Variants in FAIM observed in about 807,000 individuals in gnomAD.
The protein encoded by FAIM is Fas apoptotic inhibitory molecule.
FAIM carries 14 observed loss-of-function variants against 21.2 expected under a neutral mutation model. The observed-to-expected ratio is 0.66, with a 90% CI of 0.44 to 1.03. The LOEUF is 1.03. Among genes scored for constraint, FAIM ranks in the 50% least tolerant of loss-of-function variants. The probability of loss-of-function intolerance (pLI) is 0.00; values close to 1 mark genes in which losing one functional copy is unlikely to be tolerated. For missense variants in FAIM, 222 were observed against 247.1 expected, an observed-to-expected ratio of 0.90 and a Z score of 0.68; for synonymous variants, 86 against 80.4, an observed-to-expected ratio of 1.07 and a Z score of -0.37.
At chr3:138,630,621 T>C (rs929731120) in intron 5 of FAIM, 1 of 152,078 alleles carries the variant, frequency 6.6e-6, no homozygotes, top group Non-Finnish European at 1.5e-5. Context: ...GCTTGGAGAG[T>C]GCTTCAGTAT....
intron 2 of FAIM, among the ~76,000 whole-genome samples, chr3:138,620,878 A>C (rs1408707247): frequency 6.6e-6 from 1 of 152,226 alleles, no homozygotes; most frequent in African/African-American, 2.4e-5. Context: ...TATCTTTATT[A>C]TAGGGCATTT....
In FAIM at chr3:138,633,196, T is replaced by C. The variant is rs2043025592; in HGVS notation, c.*117T>C. The C allele has an allele frequency of 7.5e-6, 7 of 927,700 alleles. No homozygotes were observed. Among genetic ancestry groups the C allele is most frequent in the Non-Finnish European group, 1.0e-5 (7 of 676,724 alleles). The allele number at this position is 927,700 out of a possible 1,614,324, so 57.5% of individuals were successfully genotyped here. Reference sequence around the variant, plus strand: ...TGCAATGTTTTAATTTTTTAAAAAGTTACATGAAACTAACATTCCAAGGGT... The same window carrying C: ...TGCAATGTTTTAATTTTTTAAAAAGCTACATGAAACTAACATTCCAAGGGT... On this transcript the variant is annotated 3_prime_UTR_variant, in exon 6 of 6. Coordinates refer to ENST00000360570, the MANE Select transcript of FAIM (RefSeq NM_001033031.2).
chr3:138,625,493 A>C (rs1477466444), intron 4 of FAIM, among the ~76,000 whole-genome samples: 1 of 152,076 alleles, frequency 6.6e-6, no homozygotes, highest in African/African-American at 2.4e-5. Flanking sequence ...ATAATTTAAA[A>C]ATATTATTTG....
At position 138,633,090 on chromosome 3, in the gene FAIM, T is replaced by C; in HGVS notation, c.*11T>C. Reference sequence around the variant, plus strand: ...GAGATTGCAAGTTAATGAATTTTCATCTTAAGAAGTAAAGATCAGGACTTT... The same window carrying C: ...GAGATTGCAAGTTAATGAATTTTCACCTTAAGAAGTAAAGATCAGGACTTT... On this transcript the variant is annotated 3_prime_UTR_variant, in exon 6 of 6. Transcript: ENST00000360570. 1 of 1,611,686 alleles carries C rather than the reference T, an allele frequency of 6.2e-7. No individual in the cohort carries two copies.
intron 1 of FAIM, among the ~76,000 whole-genome samples, chr3:138,609,535 T>TCTCTCTC (rs2042729405): frequency 6.6e-5 from 2 of 30,418 alleles, no homozygotes; most frequent in African/African-American, 3.0e-4. Flanking sequence ...GTGCTGAAAC[T>TCTCTCTC]CTCTCTCTCT....
At chr3:138,625,336 A>C (rs1313169629) in intron 4 of FAIM, among the ~76,000 whole-genome samples, 1 of 149,424 alleles carries the variant, frequency 6.7e-6, no homozygotes, top group East Asian at 2.0e-4. Context: ...GGTGGTGGGC[A>C]CCTGTAATCC....
At chr3:138,609,549 T>C (rs938977215) in intron 1 of FAIM, among the ~76,000 whole-genome samples, 63 of 61,696 alleles carry the variant, frequency 1.0e-3, no homozygotes, top group Non-Finnish European at 1.3e-3. Flanking sequence ...TCTCTCTCTC[T>C]CTCTCTCTCT....
chr3:138,616,479 C>A (rs192549756), intron 1 of FAIM, among the ~76,000 whole-genome samples: 3 of 152,156 alleles, frequency 2.0e-5, no homozygotes, highest in African/African-American at 7.2e-5. Context: ...CCCCTAGAAT[C>A]GAGCGATCCT....
At chr3:138,612,728 C>T (rs1410644474) in intron 1 of FAIM, among the ~76,000 whole-genome samples, 1 of 152,128 alleles carries the variant, frequency 6.6e-6, no homozygotes. Context: ...TATAGTAATT[C>T]TCTGTTTAGG....
In FAIM at chr3:138,608,883, A is replaced by C. The variant is rs2042718088; in HGVS notation, c.-71A>C. 6.6e-6 allele frequency: 1 copy of C among 152,482 alleles called. No homozygotes were observed. Among genetic ancestry groups the C allele is most frequent in the East Asian group, 1.9e-4 (1 of 5,182 alleles). 9.4% of individuals were successfully genotyped at this position (152,482 alleles called of 1,614,324 possible). ...CGGCCTACGCAGCCGAGTCGGAACC[A>C]ACCGGTTGTTTGGTGAAACCTACCC... is the stretch of plus-strand genomic sequence containing the variant. On this transcript the variant is annotated 5_prime_UTR_variant, in exon 1 of 6. Coordinates refer to ENST00000360570, the MANE Select transcript of FAIM (RefSeq NM_001033031.2).
intron 1 of FAIM, among the ~76,000 whole-genome samples, chr3:138,609,680 C>G (rs1255042988): frequency 6.7e-6 from 1 of 148,350 alleles, no homozygotes; most frequent in Non-Finnish European, 1.5e-5. Context: ...CTACCTCATC[C>G]ATCCCTGACT....
At chr3:138,619,654 A>C (rs571505482) in intron 1 of FAIM, 57 bp from the exon 2 acceptor site, 2 of 1,515,344 alleles carry the variant, frequency 1.3e-6, no homozygotes, top group South Asian at 2.3e-5. Context: ...TGTTGCTTTC[A>C]ATCTTTCTTT....
intron 1 of FAIM, chr3:138,610,830 G>C: frequency 1.4e-6 from 1 of 739,276 alleles, no homozygotes; most frequent in East Asian, 2.5e-5. Context: ...TGATCCGACC[G>C]CCTTGACCTC....
At chr3:138,617,754 T>C (rs936196913) in intron 1 of FAIM, among the ~76,000 whole-genome samples, 1 of 144,738 alleles carries the variant, frequency 6.9e-6, no homozygotes. Context: ...TATATATATA[T>C]GTATGTATAT....
chr3:138,613,813 AT>A (rs2042797465), intron 1 of FAIM, among the ~76,000 whole-genome samples: 1 of 152,144 alleles, frequency 6.6e-6, no homozygotes, highest in South Asian at 2.1e-4. Flanking sequence ...AGTTCAATTT[AT>A]CTATTTTTTT....
chr3:138,615,138 C>T (rs1577007044), intron 1 of FAIM, among the ~76,000 whole-genome samples: 1 of 152,352 alleles, frequency 6.6e-6, no homozygotes, highest in East Asian at 1.9e-4. Context: ...GCAAAATCAT[C>T]TAACACAAAG....
chr3:138,632,934 A>C lies in FAIM; in HGVS notation c.461A>C (p.Glu154Ala), dbSNP rs2043021287. Residue 154 changes from glutamate (E) to alanine (A), a missense_variant, in exon 6 of 6, where the codon GAG becomes GCG. Coordinates refer to ENST00000360570, the MANE Select transcript of FAIM (RefSeq NM_001033031.2). ...CNGKKLETAG[E>A]FVDDGTETHF... ...CTTCTTCTTTTGTTGCTCCAGGGTGAGTTTGTAGATGATGGGACTGAAACT... is the reference window on the plus strand; with the variant it reads ...CTTCTTCTTTTGTTGCTCCAGGGTGCGTTTGTAGATGATGGGACTGAAACT... 6.2e-7 allele frequency: 1 copy of C among 1,612,114 alleles called. No homozygotes were observed. The highest frequency in any genetic ancestry group is 8.5e-7 in the Non-Finnish European group (1 of 1,179,318).
intron 5 of FAIM, among the ~76,000 whole-genome samples, 174 bp from the exon 6 acceptor site, chr3:138,632,756 C>A (rs2043018960): frequency 6.6e-6 from 1 of 152,176 alleles, no homozygotes; most frequent in Non-Finnish European, 1.5e-5. Flanking sequence ...ACTTTCAATT[C>A]ATAACAGAAA....
At chr3:138,612,794 C>T (rs1307318310) in intron 1 of FAIM, among the ~76,000 whole-genome samples, 1 of 152,202 alleles carries the variant, frequency 6.6e-6, no homozygotes, top group Non-Finnish European at 1.5e-5. Flanking sequence ...TACAGTCCCA[C>T]TAGCAATGTA....
Sources: gnomAD v4.1 joint callset for allele counts (sites outside exome capture counted in the v4.1 genomes callset) on GRCh38, gnomAD v4.1.1 for gene constraint, MANE v1.5 for transcripts, NCBI Gene and HGNC (gene_info 2026-07-23, HGNC 2026-07-21) for gene names.